SPAST: variants seen among roughly 807,000 people sequenced by gnomAD.
SPAST encodes spastic paraplegia 4 (autosomal dominant; spastin).
Under a neutral mutation model 76.6 loss-of-function variants are expected in SPAST, and 30 were observed. That is an observed-to-expected ratio of 0.39 (90% CI 0.29 to 0.53). The LOEUF is 0.53. Ranked by LOEUF, SPAST falls within the 20% of genes least tolerant of loss-of-function variation. The pLI, the probability that SPAST is intolerant of heterozygous loss-of-function variation, is 0.68. For synonymous variants in SPAST, 305 were observed against 281.0 expected, an observed-to-expected ratio of 1.09 and a Z score of -0.86; for missense variants, 717 against 770.5, an observed-to-expected ratio of 0.93 and a Z score of 0.82.
At chr2:32,120,439 CT>C (rs1363884762) in intron 7 of SPAST, among the ~76,000 whole-genome samples, 4 of 151,948 alleles carry the variant, frequency 2.6e-5, no homozygotes, top group Non-Finnish European at 5.9e-5. Flanking sequence ...CTTGTACAGC[CT>C]TTTTTTCCCC....
At chr2:32,128,614 G>A (rs1300440176) in intron 9 of SPAST, 135 bp downstream of exon 9, 4 of 687,234 alleles carry the variant, frequency 5.8e-6, no homozygotes, top group African/African-American at 5.3e-5. Flanking sequence ...TACATATGAT[G>A]AATATCTATC....
At chr2:32,151,872 C>T (rs142429880) in intron 16 of SPAST, among the ~76,000 whole-genome samples, 1 of 151,136 alleles carries the variant, frequency 6.6e-6, no homozygotes, top group African/African-American at 2.4e-5. Flanking sequence ...GATCGTACCA[C>T]TGCACTCCAG....
intron 1 of SPAST, chr2:32,077,940 C>G (rs1047918961): frequency 2.0e-5 from 3 of 151,350 alleles, no homozygotes; most frequent in Non-Finnish European, 4.4e-5. Context: ...CGAGACTAGC[C>G]TGGGTATGCA....
At chr2:32,068,802 G>C (rs1676628488) in intron 1 of SPAST, among the ~76,000 whole-genome samples, 1 of 151,814 alleles carries the variant, frequency 6.6e-6, no homozygotes, top group Non-Finnish European at 1.5e-5. Flanking sequence ...GGTGAGGCAG[G>C]AGAATCGCTT....
intron 1 of SPAST, among the ~76,000 whole-genome samples, chr2:32,076,130 G>A (rs888852287): frequency 1.3e-5 from 2 of 149,896 alleles, no homozygotes; most frequent in African/African-American, 2.5e-5. Context: ...TGAACTCCTC[G>A]CCTCGTGTGA....
chr2:32,115,840 GT>G lies in SPAST; in HGVS notation c.1004+9del. ...AATGAATGAAATTGTGGACAAGTAAGTTTTGCCATCTAAATGTTTTATTTTA... is the reference window on the plus strand; with the variant it reads ...AATGAATGAAATTGTGGACAAGTAAGTTTGCCATCTAAATGTTTTATTTTA... On this transcript the variant is annotated splice_donor_region_variant and intron_variant, in intron 6 of 16. Transcript: ENST00000315285. The G allele has an allele frequency of 1.2e-6, 2 of 1,603,258 alleles. No homozygotes were observed. Among genetic ancestry groups the G allele is most frequent in the Non-Finnish European group, 1.7e-6 (2 of 1,172,880 alleles).
chr2:32,071,129 G>A (rs1676732614), intron 1 of SPAST, among the ~76,000 whole-genome samples: 1 of 152,272 alleles, frequency 6.6e-6, no homozygotes, highest in Non-Finnish European at 1.5e-5. Context: ...CCTGTGGGTA[G>A]ACAAGCCGGA....
chr2:32,081,288 G>C (rs933167201), intron 1 of SPAST, among the ~76,000 whole-genome samples: 4 of 151,856 alleles, frequency 2.6e-5, no homozygotes, highest in African/African-American at 4.8e-5. Flanking sequence ...TAGAGATGGG[G>C]CTTCACTGTA....
intron 1 of SPAST, among the ~76,000 whole-genome samples, chr2:32,077,302 A>G (rs1010241294): frequency 7.2e-5 from 11 of 152,340 alleles, no homozygotes; most frequent in African/African-American, 2.4e-4. Context: ...TAAGGATTAA[A>G]TAGATAAGTA....
intron 12 of SPAST, 82 bp downstream of exon 12, chr2:32,137,270 C>A: frequency 9.0e-7 from 1 of 1,113,856 alleles, no homozygotes; most frequent in Non-Finnish European, 1.4e-6. Flanking sequence ...TATTTCCTTA[C>A]TCTCAGTTTT....
rs887951702 is a variant in SPAST, at chr2:32,155,886, T to C, written c.*1390T>C. On this transcript the variant is annotated 3_prime_UTR_variant, in exon 17 of 17. Transcript: ENST00000315285. ...GTAGTAGTAACAAGAATTTTTCATT[T>C]AGGAAAGATTTCTTAGGTTTTGAAA... 1.3e-5 allele frequency: 2 copies of C among 152,602 alleles called. No individual in the cohort carries two copies. The highest frequency in any genetic ancestry group is 4.8e-5 in the African/African-American group (2 of 41,446). 9.5% of individuals were successfully genotyped at this position (152,602 alleles called of 1,614,324 possible).
chr2:32,138,445 A>T (rs1013957235), intron 12 of SPAST, among the ~76,000 whole-genome samples: 19 of 152,140 alleles, frequency 1.2e-4, no homozygotes, highest in African/African-American at 4.3e-4. Context: ...AGTGATGATG[A>T]GCATTTTTTC....
At chr2:32,069,591 C>G (rs1042148293) in intron 1 of SPAST, among the ~76,000 whole-genome samples, 4 of 145,126 alleles carry the variant, frequency 2.8e-5, no homozygotes, top group Non-Finnish European at 6.0e-5. Context: ...GAGTCTTGCT[C>G]TGTCACCCAG....
intron 4 of SPAST, 39 bp from the exon 5 acceptor site, chr2:32,114,599 A>C: frequency 6.5e-7 from 1 of 1,547,678 alleles, no homozygotes; most frequent in Non-Finnish European, 8.9e-7. Context: ...GTTCAGCTAC[A>C]ATTTTCTAAT....
At chr2:32,083,774 A>ATTTTTTTTTTT (rs1333329179) in intron 1 of SPAST, among the ~76,000 whole-genome samples, 1 of 54,390 alleles carries the variant, frequency 1.8e-5, no homozygotes, top group Non-Finnish European at 3.4e-5. Flanking sequence ...ATATATATAT[A>ATTTTTTTTTTT]TATTTTTTTT....
At chr2:32,073,014 T>C (rs1020377244) in intron 1 of SPAST, among the ~76,000 whole-genome samples, 2 of 152,202 alleles carry the variant, frequency 1.3e-5, no homozygotes, top group Non-Finnish European at 2.9e-5. Flanking sequence ...TTTACTGGCA[T>C]CTGCACCAAA....
Position 32,128,409 on chromosome 2 carries a change from C to A in SPAST, c.1175C>A (p.Ala392Asp). The A allele has an allele frequency of 6.2e-7, 1 of 1,607,054 alleles. No homozygotes were observed. The highest frequency in any genetic ancestry group is 8.5e-7 in the Non-Finnish European group (1 of 1,173,726). Residue 392 changes from alanine (A) to aspartate (D), a missense_variant and splice_region_variant, in exon 9 of 17, where the codon GCT (alanine) becomes GAT (aspartate). Ala to Asp is a moderately radical substitution (Grantham distance 126, BLOSUM62 -2). Coordinates refer to ENST00000315285, the MANE Select transcript of SPAST (RefSeq NM_014946.4). Reference protein sequence around the residue: ...GPPGNGKTMLAKAVAAESNAT... With the variant: ...GPPGNGKTMLDKAVAAESNAT... ...TATTTGCTCTTGTGATTTTTAAAGG[C>A]TAAAGCAGTAGCTGCAGAATCGAAT...
intron 3 of SPAST, among the ~76,000 whole-genome samples, chr2:32,090,088 C>T (rs990859392): frequency 1.3e-5 from 2 of 152,180 alleles, no homozygotes; most frequent in African/African-American, 4.8e-5. Context: ...TCTAATTATT[C>T]TTCTCTCAGC....
At chr2:32,114,314 G>A (rs1314125078) in intron 4 of SPAST, among the ~76,000 whole-genome samples, 1 of 152,106 alleles carries the variant, frequency 6.6e-6, no homozygotes, top group Non-Finnish European at 1.5e-5. Flanking sequence ...GGAGTTTGAG[G>A]TGGGAGGATG....
Sources: gnomAD v4.1 joint callset for allele counts (sites outside exome capture counted in the v4.1 genomes callset) on GRCh38, gnomAD v4.1.1 for gene constraint, MANE v1.5 for transcripts, NCBI Gene and HGNC (gene_info 2026-07-23, HGNC 2026-07-21) for gene names.